Variants in IL19 observed in about 807,000 individuals in gnomAD.
IL19 encodes interleukin 19.
IL19 carries 15 observed loss-of-function variants against 19.5 expected under a neutral mutation model. The ratio of observed to expected loss-of-function variants is 0.77; its 90% confidence interval spans 0.52 to 1.19. The LOEUF is 1.19. Among genes scored for constraint, IL19 ranks in the 50% most tolerant of loss-of-function variants. The probability of loss-of-function intolerance (pLI) is 0.00; values close to 1 mark genes in which losing one functional copy is unlikely to be tolerated. For missense variants in IL19, 199 were observed against 213.1 expected, an observed-to-expected ratio of 0.93 and a Z score of 0.41; for synonymous variants, 78 against 78.3, an observed-to-expected ratio of 1.00 and a Z score of 0.02.
At chr1:206,817,245 C>T (rs1558616719) in intron 2 of IL19, among the ~76,000 whole-genome samples, 1 of 152,190 alleles carries the variant, frequency 6.6e-6, no homozygotes. Context: ...ACTGCGCATG[C>T]CTAAGGACTT....
intron 1 of IL19, among the ~76,000 whole-genome samples, chr1:206,797,978 T>G (rs1675566463): frequency 6.6e-6 from 1 of 152,164 alleles, no homozygotes; most frequent in Non-Finnish European, 1.5e-5. Context: ...GAGCCGTGAC[T>G]CACAGGCCAC....
chr1:206,829,282 G>T (rs1182480853), intron 2 of IL19, among the ~76,000 whole-genome samples: 2 of 152,082 alleles, frequency 1.3e-5, no homozygotes, highest in Admixed American at 1.3e-4. Context: ...TGTTTTCATT[G>T]AAATTCAAAG....
intron 1 of IL19, among the ~76,000 whole-genome samples, chr1:206,798,084 G>A (rs1675568995): frequency 6.6e-6 from 1 of 152,188 alleles, no homozygotes; most frequent in Non-Finnish European, 1.5e-5. Context: ...TGGCACACCT[G>A]CTGTAGGTCA....
rs369837271 is a variant in IL19 at position 206,771,511 on chromosome 1, T to A, written c.-149+433T>A. On this transcript the variant is annotated intron_variant, in intron 1 of 6. Transcript: ENST00000659997. ...CCTTTCATTTAGAGATTTTTTTTTT[T>A]AAATAAAATTGGCTCTGGCCCAAAA... The A allele has an allele frequency of 3.3e-4, 346 of 1,060,880 alleles. 2 individuals are homozygous for A. The African/African-American group carries it at 3.7e-3, about 11-fold the overall frequency. The allele number at this position is 1,060,880 out of a possible 1,614,324, so 65.7% of individuals were successfully genotyped here. A position where few individuals can be genotyped will look rare whatever the true frequency, so the allele number is the denominator to read the frequency against.
chr1:206,823,908 G>A (rs908166104), intron 2 of IL19, among the ~76,000 whole-genome samples: 1 of 152,188 alleles, frequency 6.6e-6, no homozygotes, highest in African/African-American at 2.4e-5. Context: ...TCAAAGCCAT[G>A]GGGGTGGAGG....
chr1:206,835,924 A>T (rs1676775873), intron 2 of IL19, among the ~76,000 whole-genome samples: 1 of 152,274 alleles, frequency 6.6e-6, no homozygotes, highest in South Asian at 2.1e-4. Flanking sequence ...GAGAATGAGA[A>T]GCGGTGGCAA....
chr1:206,836,856 T>C, intron 3 of IL19, 50 bp downstream of exon 3: 1 of 1,610,694 alleles, frequency 6.2e-7, no homozygotes, highest in Non-Finnish European at 8.5e-7. Context: ...TCCCTCCCCT[T>C]ACATCTTAGC....
Position 206,827,684 on chromosome 1 carries a change from G to A in IL19, c.-2-8977G>A, listed in dbSNP as rs189839619. Among the ~76,000 whole-genome samples, 141 of 132,364 alleles carry A rather than the reference G, an allele frequency of 1.1e-3. 3 individuals are homozygous for A. The highest frequency in any genetic ancestry group is 0.01 in the Admixed American group (130 of 12,806). The allele number at this position is 132,364 out of a possible 152,430, so 86.8% of individuals were successfully genotyped here. On this transcript the variant is annotated intron_variant, in intron 2 of 6. Transcript: ENST00000659997. Reference sequence around the variant, plus strand: ...CCAGCCTGGGTGACAGCGAGACTCCGTCTCAAAAAACAAAACAAAACAAAA... The same window carrying A: ...CCAGCCTGGGTGACAGCGAGACTCCATCTCAAAAAACAAAACAAAACAAAA...
chr1:206,841,694 G>A (rs1008529919), intron 6 of IL19, among the ~76,000 whole-genome samples: 4 of 152,110 alleles, frequency 2.6e-5, no homozygotes, highest in Non-Finnish European at 5.9e-5. Context: ...GTCTGTTATG[G>A]GCTCTGCTTC....
At chr1:206,835,926 C>A (rs1016600304) in intron 2 of IL19, among the ~76,000 whole-genome samples, 2 of 152,228 alleles carry the variant, frequency 1.3e-5, no homozygotes, top group Non-Finnish European at 2.9e-5. Flanking sequence ...GAATGAGAAG[C>A]GGTGGCAAAC....
chr1:206,825,539 G>C (rs1290837464), intron 2 of IL19, among the ~76,000 whole-genome samples: 1 of 152,222 alleles, frequency 6.6e-6, no homozygotes, highest in East Asian at 1.9e-4. Flanking sequence ...TCAGTAGCCA[G>C]GATTGCCTGT....
intron 1 of IL19, among the ~76,000 whole-genome samples, chr1:206,796,469 T>G (rs1195754825): frequency 6.6e-6 from 1 of 152,136 alleles, no homozygotes; most frequent in Non-Finnish European, 1.5e-5. Flanking sequence ...CCATTGTTTT[T>G]CCCCCATGAG....
chr1:206,789,586 T>C (rs987293347), intron 1 of IL19, among the ~76,000 whole-genome samples: 6 of 152,156 alleles, frequency 3.9e-5, no homozygotes, highest in African/African-American at 1.4e-4. Context: ...TATGTTTCAG[T>C]AGTTTTTTTC....
Position 206,833,772 on chromosome 1 carries a change from T to G in IL19, c.-2-2889T>G, listed in dbSNP as rs79769796. 5 of 985,332 alleles carry G rather than the reference T, an allele frequency of 5.1e-6. No homozygotes were observed. In the African/African-American group the frequency reaches 7.0e-5, roughly 14 times the overall value. 61.0% of individuals were successfully genotyped at this position (985,332 alleles called of 1,614,324 possible). A position where few individuals can be genotyped will look rare whatever the true frequency, so the allele number is the denominator to read the frequency against. ...TGAGAGAACCCTCCAGGGGACAAGATGAAGGGGAAATAGATGATGTGCAAA... is the reference window on the plus strand; with the variant it reads ...TGAGAGAACCCTCCAGGGGACAAGAGGAAGGGGAAATAGATGATGTGCAAA... On this transcript the variant is annotated intron_variant, in intron 2 of 6. Transcript: ENST00000659997.
Position 206,772,307 on chromosome 1 carries a change from A to G in IL19, c.-149+1229A>G. 6.2e-7 allele frequency: 1 copy of G among 1,614,204 alleles called. No individual in the cohort carries two copies. The highest frequency in any genetic ancestry group is 8.5e-7 in the Non-Finnish European group (1 of 1,180,024). On this transcript the variant is annotated intron_variant, in intron 1 of 6. Coordinates refer to ENST00000659997, the MANE Select transcript of IL19 (RefSeq NM_153758.5). ...TCACTCTGCTGAAGGCATCTCGGAG[A>G]TCTCGAAGCATGTTAGGCAGGTTGC...
Position 206,842,667 on chromosome 1 carries a change from G to A in IL19, c.*45G>A, listed in dbSNP as rs1451444649. On this transcript the variant is annotated 3_prime_UTR_variant, in exon 7 of 7. Coordinates refer to ENST00000659997, the MANE Select transcript of IL19 (RefSeq NM_153758.5). ...TGATCCAGGGATGAACACCCCCTGT[G>A]CGGTTTACTGTGGGAGACAGCCCAC... 2 of 1,220,682 alleles carry A rather than the reference G, an allele frequency of 1.6e-6. No homozygotes were observed. The highest frequency in any genetic ancestry group is 2.4e-6 in the Non-Finnish European group (2 of 848,202). The allele number at this position is 1,220,682 out of a possible 1,614,324, so 75.6% of individuals were successfully genotyped here.
chr1:206,836,908 G>T, intron 3 of IL19, 50 bp from the exon 4 acceptor site: 7 of 1,603,480 alleles, frequency 4.4e-6, no homozygotes, highest in Non-Finnish European at 6.0e-6. Flanking sequence ...CATCTCAGAA[G>T]AACATAGGAT....
At chr1:206,798,720 T>TGA in intron 1 of IL19, 141 bp from the exon 2 acceptor site, 1 of 550,828 alleles carries the variant, frequency 1.8e-6, no homozygotes, top group South Asian at 2.3e-5. Flanking sequence ...TGACTGAGGG[T>TGA]GTGATTCGGT....
intron 1 of IL19, among the ~76,000 whole-genome samples, chr1:206,793,086 T>G (rs2102455618): frequency 6.6e-6 from 1 of 152,358 alleles, no homozygotes; most frequent in Admixed American, 6.5e-5. Context: ...GATTTGCATC[T>G]GAGTGCATGA....
Sources: gnomAD v4.1 joint callset for allele counts (sites outside exome capture counted in the v4.1 genomes callset) on GRCh38, gnomAD v4.1.1 for gene constraint, MANE v1.5 for transcripts, NCBI Gene and HGNC (gene_info 2026-07-23, HGNC 2026-07-21) for gene names.